IQGAP1: variants seen among roughly 807,000 people sequenced by gnomAD.
IQGAP1 encodes IQ motif containing GTPase activating protein 1.
A neutral mutation model predicts 215.6 loss-of-function variants in IQGAP1; 66 were observed. The ratio of observed to expected loss-of-function variants is 0.31; its 90% CI spans 0.25 to 0.38. The LOEUF (loss-of-function observed/expected upper bound fraction) is 0.38, where lower values mean the gene tolerates loss of function less well. Among genes scored for constraint, IQGAP1 ranks in the 10% least tolerant of loss-of-function variants. The pLI is 1.00. For missense variants in IQGAP1, 1,712 were observed against 1,997.1 expected (o/e 0.86, Z 2.72); for synonymous variants, 772 against 728.7 (o/e 1.06, Z -0.96).
At chr15:90,473,871 A>G (rs757230310) in intron 20 of IQGAP1, 25 bp from the exon 21 acceptor site, 1 of 1,613,482 alleles carries the variant, frequency 6.2e-7, no homozygotes, top group South Asian at 1.1e-5. Flanking sequence ...GGACTCTTCT[A>G]ATTTCCAGGA....
At chr15:90,498,393 A>C (rs1966300174) in intron 37 of IQGAP1, among the ~76,000 whole-genome samples, 3 of 151,506 alleles carry the variant, frequency 2.0e-5, no homozygotes, top group Admixed American at 2.0e-4. Flanking sequence ...TTATTCCCTC[A>C]GTTTCACCAA....
rs989644123 is a variant in IQGAP1 at position 90,398,042 on chromosome 15, C to T, written c.155+7169C>T. Among the ~76,000 whole-genome samples the T allele has an allele frequency of 1.1e-4, 16 of 151,868 alleles. No individual in the cohort carries two copies. In the South Asian group the frequency reaches 2.7e-3, roughly 26 times the overall value. Reference sequence around the variant, plus strand: ...GGGATTACAGGTGCCTACCACCATACCCAGCTAATTTTTGTATTTTTTAGT... The same window carrying T: ...GGGATTACAGGTGCCTACCACCATATCCAGCTAATTTTTGTATTTTTTAGT... On this transcript the variant is annotated intron_variant, in intron 2 of 37. Transcript: ENST00000268182.
chr15:90,444,944 GA>G (rs1236770524), intron 9 of IQGAP1, among the ~76,000 whole-genome samples: 1 of 152,084 alleles, frequency 6.6e-6, no homozygotes, highest in Admixed American at 6.6e-5. Flanking sequence ...GCAATGTGGC[GA>G]AACCCTGTCT....
chr15:90,481,804 T>A (rs973107078), intron 26 of IQGAP1, among the ~76,000 whole-genome samples, 156 bp from the exon 27 acceptor site: 2 of 152,234 alleles, frequency 1.3e-5, no homozygotes, highest in African/African-American at 4.8e-5. Context: ...AAAACCTGCG[T>A]TCAGATTCTA....
At chr15:90,392,894 G>A (rs565476130) in intron 2 of IQGAP1, among the ~76,000 whole-genome samples, 5 of 151,846 alleles carry the variant, frequency 3.3e-5, no homozygotes, top group South Asian at 4.2e-4. Flanking sequence ...ACAGGCATCC[G>A]CCACTACGCC....
intron 18 of IQGAP1, among the ~76,000 whole-genome samples, chr15:90,471,422 T>C (rs1179202007): frequency 1.3e-5 from 2 of 151,804 alleles, no homozygotes; most frequent in African/African-American, 2.4e-5. Flanking sequence ...CAGCTGTCTG[T>C]TTCTCTCAAG....
At chr15:90,484,438 C>G in intron 30 of IQGAP1, 86 bp downstream of exon 30, 2 of 1,049,242 alleles carry the variant, frequency 1.9e-6, no homozygotes, top group Non-Finnish European at 2.8e-6. Context: ...AGCCAGGTGT[C>G]TAACCTTCCT....
chr15:90,449,664 T>A (rs1473811309), intron 11 of IQGAP1, 21 bp downstream of exon 11: 1 of 1,588,128 alleles, frequency 6.3e-7, no homozygotes, highest in East Asian at 2.3e-5. Context: ...ATTGAAATTG[T>A]ATGGGAGGAA....
At chr15:90,450,815 G>GTTT (rs74753086) in intron 11 of IQGAP1, among the ~76,000 whole-genome samples, 3 of 127,100 alleles carry the variant, frequency 2.4e-5, no homozygotes, top group African/African-American at 5.6e-5. Flanking sequence ...GTTTTTTTTT[G>GTTT]TTTTTTTTTT....
chr15:90,474,094 A>G lies in IQGAP1; in HGVS notation c.2536A>G (p.Ile846Val), dbSNP rs200986365. Reference sequence around the variant, plus strand: ...TGACATTATCAAAATCCAGGCTTTTATTCGGGCAAACAAAGCTCGGGATGA... The same window carrying G: ...TGACATTATCAAAATCCAGGCTTTTGTTCGGGCAAACAAAGCTCGGGATGA... ...INDIIKIQAF[I>V]RANKARDDYK... Residue 846 changes from isoleucine to valine, a missense_variant, in exon 22 of 38, where the codon ATT (isoleucine) becomes GTT (valine). Around this residue, in one of 2 missense-constraint regions of IQGAP1, gnomAD observed 1,021 missense variants for 1,074.2 expected, o/e 0.95. Transcript: ENST00000268182. 1.2e-6 allele frequency: 2 copies of G among 1,613,406 alleles called. No homozygotes were observed. The highest frequency in any genetic ancestry group is 2.2e-5 in the East Asian group (1 of 44,858).
intron 2 of IQGAP1, among the ~76,000 whole-genome samples, chr15:90,413,625 T>A (rs1016796905): frequency 1.3e-5 from 2 of 152,198 alleles, no homozygotes; most frequent in African/African-American, 4.8e-5. Context: ...TTACAAATTT[T>A]AGGTTGAAAA....
intron 2 of IQGAP1, among the ~76,000 whole-genome samples, chr15:90,396,568 A>G (rs1027825443): frequency 6.6e-6 from 1 of 152,136 alleles, no homozygotes; most frequent in Non-Finnish European, 1.5e-5. Context: ...ATTTATAATT[A>G]CCAAGGGGAA....
intron 2 of IQGAP1, among the ~76,000 whole-genome samples, chr15:90,416,452 T>C (rs1056295541): frequency 6.6e-6 from 1 of 152,246 alleles, no homozygotes; most frequent in African/African-American, 2.4e-5. Flanking sequence ...ATGGTATTTC[T>C]AGTTCTAGAT....
intron 1 of IQGAP1, among the ~76,000 whole-genome samples, chr15:90,389,409 A>C (rs1433694577): frequency 2.0e-5 from 3 of 147,610 alleles, no homozygotes; most frequent in Non-Finnish European, 4.4e-5. Flanking sequence ...TCAGTGGTGC[A>C]ATCTCAGCTC....
At chr15:90,430,283 T>C (rs1479906287) in intron 4 of IQGAP1, among the ~76,000 whole-genome samples, 1 of 152,204 alleles carries the variant, frequency 6.6e-6, no homozygotes, top group East Asian at 1.9e-4. Flanking sequence ...TGGTCACTCT[T>C]AGAGACATGA....
chr15:90,477,055 G>T lies in IQGAP1; in HGVS notation c.2941-12G>T. ...TTACCTACAAATGACTTATCCCTTG[G>T]TTTTATTTCAGACCAATCCCACCTA... On this transcript the variant is annotated splice_polypyrimidine_tract_variant and intron_variant, in intron 24 of 37. Coordinates refer to ENST00000268182, the MANE Select transcript of IQGAP1 (RefSeq NM_003870.4). 6.2e-7 allele frequency: 1 copy of T among 1,612,952 alleles called. No homozygotes were observed. The highest frequency in any genetic ancestry group is 1.3e-5 in the African/African-American group (1 of 74,916).
chr15:90,443,345 T>G (rs755893855), intron 8 of IQGAP1, 49 bp from the exon 9 acceptor site: 10 of 1,213,378 alleles, frequency 8.2e-6, no homozygotes, highest in Admixed American at 7.0e-5. Flanking sequence ...TTATGTGGTC[T>G]TCTTAGACAC....
chr15:90,487,149 G>C, intron 32 of IQGAP1, 60 bp downstream of exon 32: 1 of 1,563,794 alleles, frequency 6.4e-7, no homozygotes, highest in Non-Finnish European at 8.8e-7. Flanking sequence ...TTGGCCTTTG[G>C]AGAGGAACCT....
intron 34 of IQGAP1, chr15:90,491,770 A>G (rs772788660): frequency 8.0e-6 from 4 of 499,806 alleles, no homozygotes; most frequent in Non-Finnish European, 1.1e-5. Flanking sequence ...GGAGCCTCCT[A>G]TGACCTTAAA....
Sources: allele counts gnomAD v4.1 joint callset (sites outside exome capture counted in the v4.1 genomes callset), GRCh38; gene constraint gnomAD v4.1.1; regional missense constraint gnomAD v4.1.1; transcripts MANE v1.5; gene names NCBI Gene and HGNC (gene_info 2026-07-23, HGNC 2026-07-21).